PHRF1: variants seen among roughly 807,000 people sequenced by gnomAD.
PHRF1 encodes the protein PHD and RING finger domain-containing protein 1.
Under a neutral mutation model 128.9 loss-of-function variants are expected in PHRF1, and 53 were observed. The ratio of observed to expected loss-of-function variants is 0.41; its 90% confidence interval spans 0.33 to 0.52. The LOEUF (loss-of-function observed/expected upper bound fraction) is 0.52. Among genes scored for constraint, PHRF1 ranks in the 20% least tolerant of loss-of-function variants. The pLI is 0.21. For missense variants in PHRF1, 2,503 were observed against 2,284.5 expected (o/e 1.10, Z -1.95); for synonymous variants, 1,178 against 980.6 (o/e 1.20, Z -3.76).
intron 6 of PHRF1, among the ~76,000 whole-genome samples, chr11:596,093 TG>T (rs1221108716): frequency 2.0e-5 from 3 of 152,206 alleles, no homozygotes; most frequent in African/African-American, 4.8e-5. Context: ...GTTCAGCCCG[TG>T]GTAAGTGGTA....
chr11:580,930 C>A (rs1283471162), intron 1 of PHRF1, among the ~76,000 whole-genome samples: 1 of 152,102 alleles, frequency 6.6e-6, no homozygotes, highest in African/African-American at 2.4e-5. Context: ...CTCAGGTGAT[C>A]CGCCTGCCTC....
At chr11:590,373 T>C (rs1177628847) in intron 4 of PHRF1, among the ~76,000 whole-genome samples, 1 of 152,164 alleles carries the variant, frequency 6.6e-6, no homozygotes, top group African/African-American at 2.4e-5. Context: ...TGGCAGTGTC[T>C]CTTCAGTGCT....
chr11:600,495 T>TAAATAAATAAATAA (rs749599842), intron 9 of PHRF1, among the ~76,000 whole-genome samples: 38 of 38,966 alleles, frequency 9.8e-4, no homozygotes, highest in African/African-American at 1.8e-3. Flanking sequence ...TCTCCAAAAA[T>TAAATAAATAAATAA]ATATATATAT....
At chr11:593,201 C>T (rs150114009) in intron 6 of PHRF1, among the ~76,000 whole-genome samples, 334 of 152,376 alleles carry the variant, frequency 2.2e-3, no homozygotes, top group Admixed American at 3.9e-3. Context: ...TGCTTTGTGT[C>T]GTTGGCTGTA....
rs1038256152 is a variant in PHRF1, at chr11:610,605, G to A, written c.4521G>A (p.Leu1507=). The A allele has an allele frequency of 3.7e-6, 6 of 1,606,296 alleles. No homozygotes were observed. The highest frequency in any genetic ancestry group is 4.2e-6 in the Non-Finnish European group (5 of 1,179,786). The change falls in exon 16 of 18, where the codon CTG becomes CTA. Residue 1507 remains leucine (L), a synonymous_variant. Coordinates refer to ENST00000264555, the MANE Select transcript of PHRF1 (RefSeq NM_001286581.2). The stretch of plus-strand genomic sequence containing the variant: ...TCCAGTTCATCCTTCAGGGGAGCCT[G>A]CCGCTAGTGGGCTGTGGGGCAGCAC... ...PTVQFILQGS[L]PLVGCGAAQT...
At position 598,715 on chromosome 11, in the gene PHRF1, T is replaced by C. The variant is rs117211719; in HGVS notation, c.1024+213T>C. 2.5e-3 allele frequency among the ~76,000 whole-genome samples: 378 copies of C among 152,346 alleles called. 7 individuals are homozygous for C. Among genetic ancestry groups the C allele is most frequent in the Middle Eastern group, 0.014 (4 of 294 alleles). ...CGACCACGCTGCCTCTGGCATTGTGTCAGGGTGATGCCGGCCTTCCCGCAT... is the reference window on the plus strand; with the variant it reads ...CGACCACGCTGCCTCTGGCATTGTGCCAGGGTGATGCCGGCCTTCCCGCAT... On this transcript the variant is annotated intron_variant, in intron 9 of 17. Transcript: ENST00000264555.
chr11:610,575 C>A lies in PHRF1; in HGVS notation c.4491C>A (p.Pro1497=). The change falls in exon 16 of 18, where the codon CCC becomes CCA. Residue 1497 remains proline, a synonymous_variant. Transcript: ENST00000264555. ...SIPPCALVSQ[P]TVQFILQGSL... ...CACCCTGCGCACTGGTCAGCCAGCC[C>A]ACGGTCCAGTTCATCCTTCAGGGGA... The A allele has an allele frequency of 6.2e-7, 1 of 1,606,426 alleles. No individual in the cohort carries two copies. Among genetic ancestry groups the A allele is most frequent in the Non-Finnish European group, 8.5e-7 (1 of 1,179,768 alleles).
At chr11:605,788 A>C in intron 12 of PHRF1, 64 bp downstream of exon 12, 1 of 1,531,586 alleles carries the variant, frequency 6.5e-7, no homozygotes, top group East Asian at 2.3e-5. Flanking sequence ...TGGGAGTTCT[A>C]GGGTGGGGCC....
At chr11:589,662 T>C (rs548682646) in intron 4 of PHRF1, among the ~76,000 whole-genome samples, 5,103 of 152,304 alleles carry the variant, frequency 0.034, 262 homozygotes, top group African/African-American at 0.12. Flanking sequence ...GATCTCGGAC[T>C]AGAAAGCAAA....
Position 609,387 on chromosome 11 carries a change from C to G in PHRF1, c.3931C>G (p.Pro1311Ala), listed in dbSNP as rs748187710. ...CTTCCCACTGAAGCCTGCGTTGCCCCCAGCCAGCCTGGCCGTGGCCGCCAT... is the reference window on the plus strand; with the variant it reads ...CTTCCCACTGAAGCCTGCGTTGCCCGCAGCCAGCCTGGCCGTGGCCGCCAT... ...RDFPLKPALP[P>A]ASLAVAAIQR... Residue 1311 changes from proline to alanine, a missense_variant, in exon 14 of 18, where the codon CCA (proline) becomes GCA (alanine). Physicochemically the swap from Pro to Ala is conservative, Grantham distance 27. Transcript: ENST00000264555. 6.2e-7 allele frequency: 1 copy of G among 1,611,598 alleles called. No homozygotes were observed. The highest frequency in any genetic ancestry group is 8.5e-7 in the Non-Finnish European group (1 of 1,179,870).
At chr11:593,346 G>C (rs1056924391) in intron 6 of PHRF1, among the ~76,000 whole-genome samples, 1 of 152,266 alleles carries the variant, frequency 6.6e-6, no homozygotes, top group African/African-American at 2.4e-5. Flanking sequence ...GAGGCTGCTC[G>C]ATCTGGGGCC....
At chr11:591,944 C>G (rs1361539075) in intron 5 of PHRF1, among the ~76,000 whole-genome samples, 2 of 147,442 alleles carry the variant, frequency 1.4e-5, no homozygotes, top group African/African-American at 2.5e-5. Context: ...AGACAAGAGT[C>G]TCGCTCTTTT....
chr11:605,926 G>T (rs545288071), intron 12 of PHRF1, among the ~76,000 whole-genome samples: 2 of 152,226 alleles, frequency 1.3e-5, no homozygotes, highest in African/African-American at 4.8e-5. Flanking sequence ...CGGCCTGCCT[G>T]TGAGCGTGGA....
intron 9 of PHRF1, 130 bp from the exon 10 acceptor site, chr11:601,444 A>C: frequency 7.5e-7 from 1 of 1,337,760 alleles, no homozygotes; most frequent in East Asian, 2.4e-5. Context: ...AAAAAAAAAA[A>C]AATTGCAAGC....
At chr11:602,750 G>GTTT (rs1564857849) in intron 10 of PHRF1, among the ~76,000 whole-genome samples, 1 of 142,460 alleles carries the variant, frequency 7.0e-6, no homozygotes, top group African/African-American at 3.0e-5. Context: ...ATCTTTTTTG[G>GTTT]TTTTGTTTTT....
chr11:578,295 G>A (rs1854003363), intron 1 of PHRF1, among the ~76,000 whole-genome samples: 1 of 152,190 alleles, frequency 6.6e-6, no homozygotes, highest in Admixed American at 6.5e-5. Flanking sequence ...GTGTGATATC[G>A]AGGAAGGATG....
At chr11:587,548 G>A in intron 4 of PHRF1, 84 bp downstream of exon 4, 1 of 1,415,066 alleles carries the variant, frequency 7.1e-7, no homozygotes, top group South Asian at 1.2e-5. Flanking sequence ...TCAGCCTCTT[G>A]TGAGGTTCTA....
intron 1 of PHRF1, among the ~76,000 whole-genome samples, chr11:577,166 G>T (rs1407057478): frequency 1.3e-5 from 2 of 152,210 alleles, no homozygotes; most frequent in African/African-American, 2.4e-5. Flanking sequence ...AACTCTTGCA[G>T]TCCTCACAAG....
At position 576,607 on chromosome 11, in the gene PHRF1, C is replaced by T. The variant is rs534205623; in HGVS notation, c.-22+15C>T. The T allele has an allele frequency of 8.6e-5, 13 of 150,936 alleles. 1 individual carries two copies. In the South Asian group the frequency reaches 2.7e-3, roughly 31 times the overall value. The allele number at this position is 150,936 out of a possible 1,614,324, so 9.3% of individuals were successfully genotyped here. A position where few individuals can be genotyped will look rare whatever the true frequency, so the allele number is the denominator to read the frequency against. On this transcript the variant is annotated intron_variant, in intron 1 of 17. Coordinates refer to ENST00000264555, the MANE Select transcript of PHRF1 (RefSeq NM_001286581.2). ...GAGGTTTCCGGGTAAGTGCGGCGGC[C>T]GCGCCGGCCCTGGGGGCCCTGCTCC...
Sources: allele counts gnomAD v4.1 joint callset (sites outside exome capture counted in the v4.1 genomes callset), GRCh38; gene constraint gnomAD v4.1.1; transcripts MANE v1.5; gene names NCBI Gene and HGNC (gene_info 2026-07-23, HGNC 2026-07-21).